Variants in STXBP5 observed in about 807,000 individuals in gnomAD.
STXBP5 encodes syntaxin binding protein 5.
A neutral mutation model predicts 152.4 loss-of-function variants in STXBP5; 50 were observed. The ratio of observed to expected loss-of-function variants is 0.33; its 90% CI spans 0.26 to 0.42. The LOEUF is 0.42. STXBP5 is among the 10% of genes least tolerant of loss of function. STXBP5 has a pLI of 1.00. For missense variants in STXBP5, 1,167 were observed against 1,388.6 expected, an observed-to-expected ratio of 0.84 and a Z score of 2.54; for synonymous variants, 492 against 494.7, an observed-to-expected ratio of 0.99 and a Z score of 0.07.
At chr6:147,206,834 T>C (rs1253987825) in intron 2 of STXBP5, among the ~76,000 whole-genome samples, 1 of 152,172 alleles carries the variant, frequency 6.6e-6, no homozygotes, top group African/African-American at 2.4e-5. Flanking sequence ...GTGAGAACAG[T>C]ACAGACGACT....
intron 8 of STXBP5, among the ~76,000 whole-genome samples, chr6:147,289,580 G>A (rs1781172161): frequency 6.6e-6 from 1 of 151,918 alleles, no homozygotes; most frequent in African/African-American, 2.4e-5. Flanking sequence ...AATAAGCCTG[G>A]ACAGTAAAAT....
intron 6 of STXBP5, among the ~76,000 whole-genome samples, chr6:147,263,189 T>G (rs1347169034): frequency 2.0e-5 from 3 of 152,048 alleles, no homozygotes; most frequent in Admixed American, 6.6e-5. Context: ...ATTAGACCGT[T>G]TGGAGTTAGG....
At chr6:147,296,262 A>AC (rs976859933) in intron 9 of STXBP5, among the ~76,000 whole-genome samples, 1 of 151,772 alleles carries the variant, frequency 6.6e-6, no homozygotes, top group African/African-American at 2.4e-5. Context: ...TACTAGGTTC[A>AC]CCCCCCAAGT....
intron 2 of STXBP5, among the ~76,000 whole-genome samples, chr6:147,234,900 T>G (rs1778191331): frequency 1.3e-5 from 2 of 152,040 alleles, no homozygotes. Context: ...AAATTGGATG[T>G]TCTATAGATC....
intron 9 of STXBP5, among the ~76,000 whole-genome samples, chr6:147,306,633 C>G (rs1025678835): frequency 3.3e-5 from 5 of 152,212 alleles, no homozygotes; most frequent in Admixed American, 1.3e-4. Context: ...GGCTTACTCA[C>G]TGTCCTGCAG....
intron 19 of STXBP5, among the ~76,000 whole-genome samples, chr6:147,336,456 A>G (rs1783830141): frequency 6.6e-6 from 1 of 151,882 alleles, no homozygotes; most frequent in Non-Finnish European, 1.5e-5. Context: ...ATAATTTATT[A>G]TTACCCCTTT....
rs1322489254 is a variant in STXBP5 at position 147,291,085 on chromosome 6, A to G, written c.839-9A>G. 3.1e-6 allele frequency: 5 copies of G among 1,604,610 alleles called. No individual in the cohort carries two copies. The highest frequency in any genetic ancestry group is 2.2e-5 in the East Asian group (1 of 44,620). On this transcript the variant is annotated splice_polypyrimidine_tract_variant and intron_variant, in intron 8 of 27. Coordinates refer to ENST00000321680, the MANE Select transcript of STXBP5 (RefSeq NM_001127715.4). The stretch of plus-strand genomic sequence containing the variant: ...ATTTTAGAATTTAATGCAGGAAAAT[A>G]TATTTTAGGAAAACAGTTAAAGGAT...
At chr6:147,237,167 C>T (rs562625512) in intron 3 of STXBP5, among the ~76,000 whole-genome samples, 2 of 152,166 alleles carry the variant, frequency 1.3e-5, no homozygotes, top group East Asian at 3.9e-4. Flanking sequence ...TTACTGTAAC[C>T]TAAATTTTAG....
chr6:147,284,416 G>A (rs1485758772), intron 8 of STXBP5, among the ~76,000 whole-genome samples: 1 of 152,090 alleles, frequency 6.6e-6, no homozygotes, highest in South Asian at 2.1e-4. Flanking sequence ...CTACCTACCA[G>A]AGATTAAATA....
intron 2 of STXBP5, among the ~76,000 whole-genome samples, chr6:147,211,378 A>G (rs1004472306): frequency 4.6e-5 from 7 of 152,056 alleles, no homozygotes; most frequent in Non-Finnish European, 1.0e-4. Context: ...TAGATGTAAT[A>G]ATAATGTATG....
intron 22 of STXBP5, among the ~76,000 whole-genome samples, chr6:147,358,425 C>T (rs1030290232): frequency 1.3e-5 from 2 of 152,156 alleles, no homozygotes. Flanking sequence ...AGATATTCAT[C>T]GGGAGGCACC....
intron 26 of STXBP5, among the ~76,000 whole-genome samples, chr6:147,378,889 C>T (rs1304263882): frequency 6.6e-6 from 1 of 152,028 alleles, no homozygotes; most frequent in Non-Finnish European, 1.5e-5. Flanking sequence ...AATTTATTAC[C>T]TTACAATTCC....
chr6:147,278,162 G>T lies in STXBP5; in HGVS notation c.796G>T (p.Val266Leu). The T allele has an allele frequency of 6.2e-7, 1 of 1,612,796 alleles. No individual in the cohort carries two copies. Among genetic ancestry groups the T allele is most frequent in the South Asian group, 1.1e-5 (1 of 91,010 alleles). The change falls in exon 8 of 28, where the codon GTA becomes TTA. Residue 266 changes from valine to leucine, a missense_variant. Physicochemically the swap from Val to Leu is conservative, Grantham distance 32. Around this residue, in one of 3 missense-constraint regions of STXBP5, gnomAD observed 310 missense variants for 346.1 expected, o/e 0.90. Coordinates refer to ENST00000321680, the MANE Select transcript of STXBP5 (RefSeq NM_001127715.4). ...AGATGGCACCTTGACTATATGGAATGTAAGGTCCCCTGCTAAACCAGTACA... is the reference window on the plus strand; with the variant it reads ...AGATGGCACCTTGACTATATGGAATTTAAGGTCCCCTGCTAAACCAGTACA... ...HSDGTLTIWNVRSPAKPVQTI... is the reference protein window; with the variant it reads ...HSDGTLTIWNLRSPAKPVQTI...
At chr6:147,310,340 T>G (rs766019113) in intron 10 of STXBP5, 102 bp downstream of exon 10, 3 of 944,978 alleles carry the variant, frequency 3.2e-6, no homozygotes, top group Non-Finnish European at 4.2e-6. Flanking sequence ...CCTATTGTGC[T>G]AATTCTTCTG....
chr6:147,302,372 T>C (rs1009485698), intron 9 of STXBP5, among the ~76,000 whole-genome samples: 1 of 152,112 alleles, frequency 6.6e-6, no homozygotes, highest in Non-Finnish European at 1.5e-5. Context: ...GAGGCTAAGA[T>C]AGTTTGGTTT....
chr6:147,279,965 A>G (rs1780623504), intron 8 of STXBP5, among the ~76,000 whole-genome samples: 1 of 151,966 alleles, frequency 6.6e-6, no homozygotes, highest in Admixed American at 6.6e-5. Context: ...ATCTGTTTTT[A>G]TCTTGTTTTG....
intron 21 of STXBP5, among the ~76,000 whole-genome samples, chr6:147,344,834 G>A (rs1784250593): frequency 6.6e-6 from 1 of 152,106 alleles, no homozygotes; most frequent in South Asian, 2.1e-4. Context: ...CTTGTATTCG[G>A]TACAGAATTC....
At chr6:147,205,665 C>T (rs1381164332) in intron 1 of STXBP5, among the ~76,000 whole-genome samples, 1 of 152,004 alleles carries the variant, frequency 6.6e-6, no homozygotes, top group Non-Finnish European at 1.5e-5. Context: ...CCATTGCAAA[C>T]TTTAGTCATC....
chr6:147,347,213 G>GA (rs1461867826), intron 21 of STXBP5, among the ~76,000 whole-genome samples: 8 of 152,198 alleles, frequency 5.3e-5, no homozygotes, highest in Non-Finnish European at 1.2e-4. Flanking sequence ...CAAATTAAAC[G>GA]CCAAGTTAAT....
Sources: gnomAD v4.1 joint callset for allele counts (sites outside exome capture counted in the v4.1 genomes callset) on GRCh38, gnomAD v4.1.1 for gene constraint, gnomAD v4.1.1 regional missense constraint, MANE v1.5 for transcripts, NCBI Gene and HGNC (gene_info 2026-07-23, HGNC 2026-07-21) for gene names.